PARVB: variants seen among roughly 807,000 people sequenced by gnomAD.
PARVB encodes parvin beta, also known as beta-parvin.
PARVB carries 46 observed loss-of-function variants against 47.0 expected under a neutral mutation model. That is an observed-to-expected ratio of 0.98 (90% confidence interval 0.77 to 1.25). The LOEUF (loss-of-function observed/expected upper bound fraction) is 1.25, where lower values mean the gene tolerates loss of function less well. PARVB is among the 50% of genes most tolerant of loss of function. The pLI, the probability that PARVB is intolerant of heterozygous loss-of-function variation, is 0.00. For missense variants in PARVB, 473 were observed against 471.6 expected (o/e 1.00, Z -0.03); for synonymous variants, 196 against 196.3 (o/e 1.00, Z 0.01).
At chr22:44,025,611 C>T (rs1048470253) in intron 1 of PARVB, among the ~76,000 whole-genome samples, 6 of 152,174 alleles carry the variant, frequency 3.9e-5, no homozygotes, top group South Asian at 2.1e-4. Flanking sequence ...CAGTAGGTCT[C>T]CTGGCGGATA....
chr22:44,146,176 CA>C (rs2053664195), intron 8 of PARVB: 1 of 144,698 alleles, frequency 6.9e-6, no homozygotes, highest in Non-Finnish European at 1.5e-5. Flanking sequence ...CACACGCTCA[CA>C]CCGCACACAC....
At chr22:44,069,156 C>T (rs73888833) in intron 1 of PARVB, 143,148 of 1,611,792 alleles carry the variant, frequency 0.089, 7,359 homozygotes, top group African/African-American at 0.21. Flanking sequence ...CTGCACCCTC[C>T]TCGCCAGTGA....
intron 2 of PARVB, among the ~76,000 whole-genome samples, chr22:44,011,781 C>G (rs950855243): frequency 1.3e-5 from 2 of 152,104 alleles, no homozygotes; most frequent in Non-Finnish European, 2.9e-5. Context: ...GCTCCAGCAT[C>G]GTAGAGCAAG....
At chr22:44,133,100 T>G in intron 6 of PARVB, 91 bp downstream of exon 6, 2 of 764,146 alleles carry the variant, frequency 2.6e-6, no homozygotes, top group Non-Finnish European at 2.1e-6. Context: ...CCCTCCTTTT[T>G]TCCCCCCAGG....
At chr22:44,069,021 A>G in intron 1 of PARVB, 1 of 1,162,218 alleles carries the variant, frequency 8.6e-7, no homozygotes, top group South Asian at 1.4e-5. Flanking sequence ...AAGGCTCCCC[A>G]AAGAGGCTTT....
chr22:44,023,596 AT>A (rs1442980470), upstream of PARVB, among the ~76,000 whole-genome samples: 8 of 147,874 alleles, frequency 5.4e-5, no homozygotes, highest in African/African-American at 7.9e-5. Context: ...ATAAAATAAA[AT>A]AAAATAAAAA....
intron 10 of PARVB, among the ~76,000 whole-genome samples, chr22:44,154,956 T>C: frequency 7.0e-6 from 1 of 142,666 alleles, no homozygotes; most frequent in African/African-American, 2.7e-5. Flanking sequence ...TGTGTGTGTG[T>C]GGTTTTTGTA....
intron 8 of PARVB, chr22:44,144,895 G>C (rs2053631429): frequency 6.6e-6 from 1 of 152,028 alleles, no homozygotes; most frequent in African/African-American, 2.4e-5. Flanking sequence ...CATTCCTGCA[G>C]ATTGAGCTTG....
At chr22:44,149,103 C>G (rs1187842945) in intron 9 of PARVB, 1 of 152,180 alleles carries the variant, frequency 6.6e-6, no homozygotes, top group Non-Finnish European at 1.5e-5. Context: ...CTCAGTTTCC[C>G]CATCTGTCAA....
At position 44,140,704 on chromosome 22, in the gene PARVB, G is replaced by A. The variant is rs1328953582; in HGVS notation, c.712+561G>A. The A allele has an allele frequency of 3.0e-5, 13 of 440,538 alleles. No individual in the cohort carries two copies. In the East Asian group the frequency reaches 8.1e-4, roughly 28 times the overall value. The allele number at this position is 440,538 out of a possible 1,614,324, so 27.3% of individuals were successfully genotyped here. A position where few individuals can be genotyped will look rare whatever the true frequency, so the allele number is the denominator to read the frequency against. ...GAGTGTAAAAGGCTCTCCCCAGGCAGGGGCTGCTGTGAGTATTGGGTGAGA... is the reference window on the plus strand; with the variant it reads ...GAGTGTAAAAGGCTCTCCCCAGGCAAGGGCTGCTGTGAGTATTGGGTGAGA... On this transcript the variant is annotated intron_variant, in intron 8 of 12. Coordinates refer to ENST00000338758, the MANE Select transcript of PARVB (RefSeq NM_013327.5).
chr22:44,162,977 C>G (rs1328904438), intron 11 of PARVB: 3 of 152,232 alleles, frequency 2.0e-5, no homozygotes, highest in African/African-American at 7.2e-5. Flanking sequence ...CTTGCAGCCA[C>G]CATCGATCTG....
chr22:44,119,224 A>T, intron 4 of PARVB, 84 bp downstream of exon 4: 1 of 910,386 alleles, frequency 1.1e-6, no homozygotes, highest in Admixed American at 1.7e-5. Context: ...CTGCATAGTG[A>T]CATCGGCCAC....
chr22:44,057,420 G>C (rs937212316), intron 1 of PARVB, among the ~76,000 whole-genome samples: 2 of 152,162 alleles, frequency 1.3e-5, no homozygotes, highest in Non-Finnish European at 2.9e-5. Context: ...ATCCAAAAGT[G>C]GGGGAAGAGG....
intron 1 of PARVB, among the ~76,000 whole-genome samples, chr22:44,065,185 T>C (rs527957545): frequency 7.2e-4 from 110 of 152,166 alleles, no homozygotes; most frequent in African/African-American, 2.6e-3. Context: ...ACCCTTTGTC[T>C]ATCTGCTTCG....
chr22:44,111,921 G>T (rs1487131168), intron 3 of PARVB: 1 of 152,022 alleles, frequency 6.6e-6, no homozygotes, highest in African/African-American at 2.4e-5. Context: ...TGAGTGTTTG[G>T]TGGAGGGAAG....
In PARVB at chr22:44,102,038, C is replaced by T. The variant is rs554331727; in HGVS notation, c.273+1915C>T. Among the ~76,000 whole-genome samples the T allele has an allele frequency of 1.3e-4, 20 of 152,234 alleles. 1 individual carries two copies. Among genetic ancestry groups the T allele is most frequent in the African/African-American group, 4.6e-4 (19 of 41,530 alleles). ...AGAGAGGTTTATTATGATATTGGCTCACTTGACTACGGAGGCTGAGAAGTC... is the reference window on the plus strand; with the variant it reads ...AGAGAGGTTTATTATGATATTGGCTTACTTGACTACGGAGGCTGAGAAGTC... On this transcript the variant is annotated intron_variant, in intron 3 of 12. Transcript: ENST00000338758.
chr22:44,122,282 A>G (rs984754886), intron 4 of PARVB, among the ~76,000 whole-genome samples: 16 of 152,004 alleles, frequency 1.1e-4, no homozygotes, highest in African/African-American at 3.4e-4. Flanking sequence ...CTTGAGCCGA[A>G]GAGTTTGAGA....
chr22:44,125,531 A>G lies in PARVB; in HGVS notation c.377-5956A>G, dbSNP rs79255144. On this transcript the variant is annotated intron_variant, in intron 4 of 12. Transcript: ENST00000338758. The surrounding 1 kb of genome is among the most constrained non-coding windows in gnomAD (Gnocchi z 4.1). The stretch of plus-strand genomic sequence containing the variant: ...CTCTGGGGAGGCGACATCTGAGCAC[A>G]TGTCTGCACAGTGAGCTTGGGAAGG... Among the ~76,000 whole-genome samples, 409 of 152,254 alleles carry G rather than the reference A, an allele frequency of 2.7e-3. No homozygotes were observed. Among genetic ancestry groups the G allele is most frequent in the African/African-American group, 8.9e-3 (368 of 41,550 alleles).
At chr22:44,168,334 G>T in intron 12 of PARVB, 1 of 429,258 alleles carries the variant, frequency 2.3e-6, no homozygotes, top group South Asian at 2.4e-5. Flanking sequence ...GCAGATCCAG[G>T]AGGGGCTGTG....
Sources: allele counts gnomAD v4.1 joint callset (sites outside exome capture counted in the v4.1 genomes callset), GRCh38; gene constraint gnomAD v4.1.1; non-coding constraint Gnocchi (gnomAD v3.1); transcripts MANE v1.5; gene names NCBI Gene and HGNC (gene_info 2026-07-23, HGNC 2026-07-21).